Variants in NAA60 observed in about 807,000 individuals in gnomAD.
NAA60 encodes the protein N-alpha-acetyltransferase 60.
In NAA60, 8 loss-of-function variants were observed where a neutral mutation model predicts 26.1. The observed-to-expected ratio is 0.31, with a 90% confidence interval of 0.18 to 0.55. The LOEUF is 0.55. NAA60 is among the 20% of genes least tolerant of loss of function. The pLI, the probability that NAA60 is intolerant of heterozygous loss-of-function variation, is 0.93. For missense variants in NAA60, 290 were observed against 311.3 expected (o/e 0.93, Z 0.51); for synonymous variants, 131 against 122.5 (o/e 1.07, Z -0.46).
chr16:3,460,227 G>C (rs941800729), intron 2 of NAA60, among the ~76,000 whole-genome samples: 1 of 152,148 alleles, frequency 6.6e-6, no homozygotes. Context: ...ATAGAAAGCT[G>C]GCTGTTTATC....
chr16:3,452,707 A>C (rs1019276217), intron 2 of NAA60, among the ~76,000 whole-genome samples: 12 of 151,788 alleles, frequency 7.9e-5, no homozygotes, highest in African/African-American at 2.9e-4. Flanking sequence ...CAGTAATCCC[A>C]GCACTTTGGG....
chr16:3,467,320 C>A (rs1053701920), intron 2 of NAA60, among the ~76,000 whole-genome samples: 1 of 151,950 alleles, frequency 6.6e-6, no homozygotes, highest in Non-Finnish European at 1.5e-5. Context: ...CAGGGAGGAG[C>A]TGTGGGCGGG....
intron 4 of NAA60, 36 bp from the exon 5 acceptor site, chr16:3,482,466 G>A (rs372382967): frequency 2.2e-4 from 340 of 1,524,848 alleles, no homozygotes; most frequent in Middle Eastern, 6.7e-4. Flanking sequence ...TGCACCAGAC[G>A]TGTGAGCCTG....
At chr16:3,456,507 A>G (rs974491028) in intron 2 of NAA60, among the ~76,000 whole-genome samples, 6 of 152,146 alleles carry the variant, frequency 3.9e-5, no homozygotes. Context: ...TGAAAGAATA[A>G]TGCGCTTCAC....
At chr16:3,452,628 G>A (rs1378287159) in intron 2 of NAA60, among the ~76,000 whole-genome samples, 4 of 151,344 alleles carry the variant, frequency 2.6e-5, no homozygotes, top group Admixed American at 6.6e-5. Flanking sequence ...CACTCCAGCC[G>A]GAGGGGCAGA....
At chr16:3,454,447 C>T (rs758224524) in intron 2 of NAA60, among the ~76,000 whole-genome samples, 19 of 152,072 alleles carry the variant, frequency 1.2e-4, no homozygotes, top group Non-Finnish European at 2.2e-4. Flanking sequence ...CAGACAGACT[C>T]TCATAAATAA....
At chr16:3,453,158 A>C (rs149589685) in intron 2 of NAA60, among the ~76,000 whole-genome samples, 37 of 152,066 alleles carry the variant, frequency 2.4e-4, no homozygotes, top group African/African-American at 7.5e-4. Context: ...GCACTTTGGG[A>C]GGCTGAGGCA....
intron 2 of NAA60, among the ~76,000 whole-genome samples, chr16:3,450,473 G>A (rs1384410807): frequency 1.3e-5 from 2 of 152,260 alleles, no homozygotes; most frequent in East Asian, 3.9e-4. Context: ...GGCTGAGGCA[G>A]GCGGATCACA....
chr16:3,484,432 G>T, intron 6 of NAA60: 1 of 537,076 alleles, frequency 1.9e-6, no homozygotes, highest in South Asian at 2.4e-5. Context: ...CACCCCCCGT[G>T]CATCCCTGGG....
At chr16:3,485,190 T>G in intron 7 of NAA60, 129 bp downstream of exon 7, 1 of 711,428 alleles carries the variant, frequency 1.4e-6, no homozygotes. Flanking sequence ...CACCACCTTA[T>G]GCACCAGCAC....
At chr16:3,443,654 T>C (rs1202681367), upstream of NAA60, 2 of 1,274,734 alleles carry the variant, frequency 1.6e-6, no homozygotes. Flanking sequence ...GAGGTAGTTT[T>C]CCTCCTTTTC....
chr16:3,467,938 A>G (rs1270395211), intron 2 of NAA60: 1 of 152,260 alleles, frequency 6.6e-6, no homozygotes, highest in Non-Finnish European at 1.5e-5. Flanking sequence ...AGTACACTCC[A>G]TAGGGTGGGA....
chr16:3,482,344 G>T (rs953621744), intron 4 of NAA60, among the ~76,000 whole-genome samples, 158 bp from the exon 5 acceptor site: 1 of 152,196 alleles, frequency 6.6e-6, no homozygotes, highest in Non-Finnish European at 1.5e-5. Context: ...TCCTTGGGGA[G>T]TGGGGGCCCC....
chr16:3,449,787 A>T (rs762951486), intron 2 of NAA60, among the ~76,000 whole-genome samples: 1 of 152,102 alleles, frequency 6.6e-6, no homozygotes, highest in Non-Finnish European at 1.5e-5. Context: ...GGTCTTTCCC[A>T]TGCTGTTCTC....
chr16:3,443,738 G>C lies in NAA60; in HGVS notation c.-176G>C. 1 of 1,492,240 alleles carries C rather than the reference G, an allele frequency of 6.7e-7. No individual in the cohort carries two copies. Among genetic ancestry groups the C allele is most frequent in the Non-Finnish European group, 8.9e-7 (1 of 1,124,078 alleles). The allele number at this position is 1,492,240 out of a possible 1,614,324, so 92.4% of individuals were successfully genotyped here. A position where few individuals can be genotyped will look rare whatever the true frequency, so the allele number is the denominator to read the frequency against. ...CCGGGCCTGTTTGCCTGCTGAAGTA[G>C]AGTCTTAGGGTGACCCCAGGGGGAC... On this transcript the variant is annotated 5_prime_UTR_variant, in exon 1 of 8. Coordinates refer to ENST00000407558, the MANE Select transcript of NAA60 (RefSeq NM_001083601.3).
rs541679890 is a variant in NAA60 at position 3,476,207 on chromosome 16, C to A, written c.-6-15C>A. Reference sequence around the variant, plus strand: ...AGGCTGTGAGGTGACGCGTCCCCCCCACCCTTCCCCACAGGTGTGAATGAC... The same window carrying A: ...AGGCTGTGAGGTGACGCGTCCCCCCAACCCTTCCCCACAGGTGTGAATGAC... On this transcript the variant is annotated splice_polypyrimidine_tract_variant and intron_variant, in intron 2 of 7. Coordinates refer to ENST00000407558, the MANE Select transcript of NAA60 (RefSeq NM_001083601.3). The A allele has an allele frequency of 2.1e-5, 33 of 1,576,076 alleles. No homozygotes were observed. The highest frequency in any genetic ancestry group is 2.5e-5 in the Non-Finnish European group (29 of 1,150,858).
At chr16:3,460,059 A>G (rs1167499580) in intron 2 of NAA60, among the ~76,000 whole-genome samples, 5 of 152,134 alleles carry the variant, frequency 3.3e-5, no homozygotes, top group Non-Finnish European at 7.4e-5. Context: ...CGGTGGTTAG[A>G]CGAGGTGGAT....
intron 2 of NAA60, among the ~76,000 whole-genome samples, chr16:3,473,572 G>A (rs1249090904): frequency 6.6e-6 from 1 of 152,210 alleles, no homozygotes; most frequent in Non-Finnish European, 1.5e-5. Flanking sequence ...GGGAGGGACA[G>A]AGCCAAACCA....
chr16:3,444,043 C>A, intron 1 of NAA60: 2 of 1,026,420 alleles, frequency 1.9e-6, no homozygotes, highest in Non-Finnish European at 2.6e-6. Flanking sequence ...TGGACTCTGA[C>A]TCAAAGTGTT....
Sources: gnomAD v4.1 joint callset for allele counts (sites outside exome capture counted in the v4.1 genomes callset) on GRCh38, gnomAD v4.1.1 for gene constraint, MANE v1.5 for transcripts, NCBI Gene and HGNC (gene_info 2026-07-23, HGNC 2026-07-21) for gene names.